The following MAST4 variants were observed in gnomAD, a reference collection of about 807,000 sequenced individuals.
MAST4 encodes the protein microtubule-associated serine/threonine-protein kinase 4.
MAST4 carries 89 observed loss-of-function variants against 162.7 expected under a neutral mutation model. The ratio of observed to expected loss-of-function variants is 0.55; its 90% confidence interval spans 0.46 to 0.65. The LOEUF (loss-of-function observed/expected upper bound fraction) is 0.65, where lower values mean the gene tolerates loss of function less well. MAST4 is among the 30% of genes least tolerant of loss of function. The probability of loss-of-function intolerance (pLI) is 0.00; values close to 1 mark genes in which losing one functional copy is unlikely to be tolerated. For missense variants in MAST4, 3,153 were observed against 3,374.0 expected (o/e 0.93, Z 1.62); for synonymous variants, 1,479 against 1,361.1 (o/e 1.09, Z -1.91).
chr5:66,666,319 C>T (rs1006679082), intron 1 of MAST4, among the ~76,000 whole-genome samples: 4 of 152,192 alleles, frequency 2.6e-5, no homozygotes, highest in African/African-American at 7.2e-5. Context: ...ATGTTTATCC[C>T]TCCAGACTTC....
At chr5:66,685,262 C>CAAACAAAACCA (rs1554042314) in intron 1 of MAST4, among the ~76,000 whole-genome samples, 2 of 143,892 alleles carry the variant, frequency 1.4e-5, no homozygotes, top group Non-Finnish European at 3.1e-5. Context: ...GACCTTGTCT[C>CAAACAAAACCA]AAACAAAACA....
At chr5:66,748,444 T>TCTCCCTCC (rs1561302747) in intron 1 of MAST4, among the ~76,000 whole-genome samples, 3 of 95,944 alleles carry the variant, frequency 3.1e-5, no homozygotes, top group African/African-American at 4.3e-5. Flanking sequence ...TCCCTCCCTC[T>TCTCCCTCC]CTCCCTCACT....
chr5:66,651,431 T>C (rs552047707), intron 1 of MAST4, among the ~76,000 whole-genome samples: 1 of 152,250 alleles, frequency 6.6e-6, no homozygotes, highest in Non-Finnish European at 1.5e-5. Flanking sequence ...ACTTTGTGTG[T>C]CTTAAGTAGC....
At chr5:66,804,819 G>C (rs886420030) in intron 3 of MAST4, among the ~76,000 whole-genome samples, 1 of 152,092 alleles carries the variant, frequency 6.6e-6, no homozygotes, top group African/African-American at 2.4e-5. Flanking sequence ...GGACTATTCT[G>C]ATTTTTAAAT....
At chr5:66,683,656 C>T (rs1222957517) in intron 1 of MAST4, among the ~76,000 whole-genome samples, 2 of 152,112 alleles carry the variant, frequency 1.3e-5, no homozygotes, top group Non-Finnish European at 2.9e-5. Context: ...AAAACCACTC[C>T]GGATACATAC....
chr5:66,982,655 A>T (rs1224702581), intron 4 of MAST4, among the ~76,000 whole-genome samples: 1 of 152,226 alleles, frequency 6.6e-6, no homozygotes, highest in Admixed American at 6.5e-5. Flanking sequence ...GCCTTGGCTT[A>T]GTAACAGCAT....
intron 4 of MAST4, among the ~76,000 whole-genome samples, chr5:66,964,567 C>G (rs970204119): frequency 1.3e-5 from 2 of 152,048 alleles, no homozygotes; most frequent in African/African-American, 4.8e-5. Flanking sequence ...TTTGGGAGGT[C>G]GAGGCGGGCA....
chr5:66,965,093 TCTG>T (rs1176577520), intron 4 of MAST4, among the ~76,000 whole-genome samples: 1 of 152,164 alleles, frequency 6.6e-6, no homozygotes, highest in African/African-American at 2.4e-5. Context: ...GTTCTACTCT[TCTG>T]CTGATGGGAT....
intron 1 of MAST4, among the ~76,000 whole-genome samples, chr5:66,641,093 T>A (rs1225070030): frequency 2.0e-5 from 3 of 152,210 alleles, no homozygotes; most frequent in Non-Finnish European, 4.4e-5. Flanking sequence ...GAGTTTTTCA[T>A]ATATTCAGTC....
At chr5:66,719,782 A>C (rs1195955396) in intron 1 of MAST4, among the ~76,000 whole-genome samples, 3 of 152,132 alleles carry the variant, frequency 2.0e-5, no homozygotes, top group African/African-American at 4.8e-5. Flanking sequence ...TACATTGTTG[A>C]AACAAAATGC....
chr5:66,828,444 T>G lies in MAST4; in HGVS notation c.642+39650T>G, dbSNP rs377248431. On this transcript the variant is annotated intron_variant, in intron 3 of 28. Transcript: ENST00000403625. ...AGGTGTCTGTCACCGCTGATTTACT[T>G]AGCCACTGTGACCTTATAGTTGCTT... 1.1e-4 allele frequency among the ~76,000 whole-genome samples: 17 copies of G among 152,284 alleles called. No homozygotes were observed. The East Asian group carries it at 2.3e-3, about 21-fold the overall frequency.
intron 19 of MAST4, among the ~76,000 whole-genome samples, 191 bp from the exon 20 acceptor site, chr5:67,141,924 A>T (rs901123849): frequency 1.3e-5 from 2 of 152,254 alleles, no homozygotes; most frequent in Non-Finnish European, 2.9e-5. Context: ...TGTTAGCAAC[A>T]TCAAATCTCC....
At chr5:66,812,040 G>A (rs953470519) in intron 3 of MAST4, among the ~76,000 whole-genome samples, 1 of 152,104 alleles carries the variant, frequency 6.6e-6, no homozygotes, top group Non-Finnish European at 1.5e-5. Flanking sequence ...CATGGTCTAG[G>A]GCTGTGTTTG....
intron 3 of MAST4, among the ~76,000 whole-genome samples, chr5:66,879,365 TA>T (rs1450340853): frequency 3.5e-4 from 3 of 8,502 alleles, no homozygotes; most frequent in Admixed American, 1.5e-3. Context: ...CACACACATA[TA>T]TATATATATA....
At chr5:67,149,713 G>A in intron 24 of MAST4, 124 bp downstream of exon 24, 1 of 968,912 alleles carries the variant, frequency 1.0e-6, no homozygotes, top group South Asian at 1.5e-5. Flanking sequence ...CATGTCCCAG[G>A]ACAGCTCTTG....
intron 3 of MAST4, among the ~76,000 whole-genome samples, chr5:66,882,641 T>A (rs1761764176): frequency 6.6e-6 from 1 of 152,200 alleles, no homozygotes; most frequent in African/African-American, 2.4e-5. Context: ...TTCTTTATGT[T>A]GCCATACATT....
chr5:66,963,859 G>T, intron 4 of MAST4: 1 of 775,010 alleles, frequency 1.3e-6, no homozygotes, highest in Non-Finnish European at 2.4e-6. Context: ...ACCAGCATTT[G>T]ATTACTTCAG....
At chr5:67,104,214 T>A (rs1765347464) in intron 9 of MAST4, among the ~76,000 whole-genome samples, 152 bp from the exon 10 acceptor site, 1 of 152,248 alleles carries the variant, frequency 6.6e-6, no homozygotes, top group African/African-American at 2.4e-5. Context: ...CATTATTTTA[T>A]CAGAAGTGAG....
intron 4 of MAST4, among the ~76,000 whole-genome samples, chr5:67,048,716 T>C (rs1444179926): frequency 6.6e-6 from 1 of 151,966 alleles, no homozygotes. Flanking sequence ...GGGAATCATT[T>C]GCATTACTCC....
Sources: allele counts gnomAD v4.1 joint callset (sites outside exome capture counted in the v4.1 genomes callset), GRCh38; gene constraint gnomAD v4.1.1; transcripts MANE v1.5; gene names NCBI Gene and HGNC (gene_info 2026-07-23, HGNC 2026-07-21).